Variants in ZNF496 observed in about 807,000 individuals in gnomAD.
The protein encoded by ZNF496 is zinc finger protein 496.
In ZNF496, 11 loss-of-function variants were observed where a neutral mutation model predicts 58.9. The ratio of observed to expected loss-of-function variants is 0.19; its 90% CI spans 0.12 to 0.31. ZNF496 has a LOEUF of 0.31. ZNF496 is among the 10% of genes least tolerant of loss of function. The pLI is 1.00. For missense variants in ZNF496, 660 were observed against 783.0 expected (o/e 0.84, Z 1.88); for synonymous variants, 338 against 318.2 (o/e 1.06, Z -0.66).
At chr1:247,326,803 TAAG>T (rs1345818015) in intron 5 of ZNF496, among the ~76,000 whole-genome samples, 1 of 152,144 alleles carries the variant, frequency 6.6e-6, no homozygotes, top group Admixed American at 6.5e-5. Flanking sequence ...GGTGTACTTA[TAAG>T]AAGAGGAGAT....
At chr1:247,314,426 C>CTTCATTTTAAGATTTTCATTTTAAAAT (rs1659706644) in intron 6 of ZNF496, among the ~76,000 whole-genome samples, 5 of 140,638 alleles carry the variant, frequency 3.6e-5, no homozygotes, top group African/African-American at 1.6e-4. Context: ...TAGATCAATG[C>CTTCATTTTAAGATTTTCATTTTAAAAT]TTCATTTTAA....
At chr1:247,322,300 T>TA (rs1558156493) in intron 6 of ZNF496, among the ~76,000 whole-genome samples, 1 of 152,016 alleles carries the variant, frequency 6.6e-6, no homozygotes, top group Non-Finnish European at 1.5e-5. Context: ...AAAAATAAAA[T>TA]AAAGTCATGT....
At chr1:247,327,390 C>A (rs940189022) in intron 5 of ZNF496, among the ~76,000 whole-genome samples, 4 of 152,192 alleles carry the variant, frequency 2.6e-5, no homozygotes, top group African/African-American at 9.6e-5. Context: ...TGTCTATCTG[C>A]AAACTTCTCT....
intron 6 of ZNF496, 83 bp from the exon 7 acceptor site, chr1:247,310,539 C>T: frequency 6.4e-7 from 1 of 1,556,410 alleles, no homozygotes; most frequent in African/African-American, 1.4e-5. Flanking sequence ...TGTGACAACA[C>T]AACGCTGTAG....
Position 247,329,047 on chromosome 1 carries a change from C to T in ZNF496, c.390+142G>A, listed in dbSNP as rs1328103542. On this transcript the variant is annotated intron_variant, in intron 4 of 9. Coordinates refer to ENST00000682384, the MANE Select transcript of ZNF496 (RefSeq NM_032752.3). The surrounding 1 kb of genome is among the most constrained non-coding windows in gnomAD (Gnocchi z 5.5). ...GCCTTCAGGGAGTAAAACTGGCTTT[C>T]TTAGGAAACTCTAGTCTGGACCTAA... is the stretch of plus-strand genomic sequence containing the variant. 1 of 1,456,950 alleles carries T rather than the reference C, an allele frequency of 6.9e-7. No homozygotes were observed. The highest frequency in any genetic ancestry group is 9.3e-7 in the Non-Finnish European group (1 of 1,072,384). 90.3% of individuals were successfully genotyped at this position (1,456,950 alleles called of 1,614,324 possible).
Position 247,308,422 on chromosome 1 carries a change from G to A in ZNF496, c.1006+53C>T, listed in dbSNP as rs927670993. 43 of 1,518,772 alleles carry A rather than the reference G, an allele frequency of 2.8e-5. No homozygotes were observed. The highest frequency in any genetic ancestry group is 1.5e-4 in the South Asian group (13 of 88,670). The allele number at this position is 1,518,772 out of a possible 1,614,324, so 94.1% of individuals were successfully genotyped here. A position where few individuals can be genotyped will look rare whatever the true frequency, so the allele number is the denominator to read the frequency against. On this transcript the variant is annotated intron_variant, in intron 9 of 9. Coordinates refer to ENST00000682384, the MANE Select transcript of ZNF496 (RefSeq NM_032752.3). This position sits in a 1 kb window ranked among gnomAD's most constrained non-coding sequence, Gnocchi z 4.5. The stretch of plus-strand genomic sequence containing the variant: ...CACACATGCATACATACATTCATGC[G>A]ACACACCACAGACACACAGGGACAA...
Position 247,300,732 on chromosome 1 carries a change from C to T in ZNF496, c.1551G>A (p.Lys517=). 2 of 1,612,200 alleles carry T rather than the reference C, an allele frequency of 1.2e-6. No homozygotes were observed. The highest frequency in any genetic ancestry group is 1.1e-5 in the South Asian group (1 of 91,040). Residue 517 remains lysine (K), a synonymous_variant, in exon 10 of 10, where the codon AAG becomes AAA. Transcript: ENST00000682384. This position sits in a 1 kb window ranked among gnomAD's most constrained non-coding sequence, Gnocchi z 5.7. The part of the protein sequence containing the change: ...KGPKEPLENG[K]AKLSFQCCEC... ...CACAGCACTGGAAGCTCAGTTTGGC[C>T]TTGCCGTTTTCCAGCGGCTCTTTGG...
At position 247,308,881 on chromosome 1, in the gene ZNF496, A is replaced by C; in HGVS notation, c.893-293T>G. On this transcript the variant is annotated intron_variant, in intron 8 of 9. Transcript: ENST00000682384. The surrounding 1 kb of genome is among the most constrained non-coding windows in gnomAD (Gnocchi z 4.5). ...AAGCACTTCCCCCAGCCCCATATTT[A>C]TTCCCACTTTCTGTGGTGGGTTTTC... The C allele has an allele frequency of 2.6e-6, 1 of 383,058 alleles. No homozygotes were observed. The highest frequency in any genetic ancestry group is 5.0e-6 in the Non-Finnish European group (1 of 201,838). The allele number at this position is 383,058 out of a possible 1,614,324, so 23.7% of individuals were successfully genotyped here.
At position 247,309,552 on chromosome 1, in the gene ZNF496, G is replaced by A. The variant is rs1161515693; in HGVS notation, c.892+147C>T. On this transcript the variant is annotated intron_variant, in intron 8 of 9. Transcript: ENST00000682384. The surrounding 1 kb of genome is among the most constrained non-coding windows in gnomAD (Gnocchi z 4.3). ...TCTTTCTATGAAAAGTCAGGGACAA[G>A]GCAAGACATGCAAGACCCACATAGA... The A allele has an allele frequency of 2.1e-6, 3 of 1,434,146 alleles. No individual in the cohort carries two copies. The highest frequency in any genetic ancestry group is 2.7e-6 in the Non-Finnish European group (3 of 1,096,154). 88.8% of individuals were successfully genotyped at this position (1,434,146 alleles called of 1,614,324 possible).
Position 247,309,478 on chromosome 1 carries a change from T to C in ZNF496, c.892+221A>G. 3 of 1,385,560 alleles carry C rather than the reference T, an allele frequency of 2.2e-6. No homozygotes were observed. Among genetic ancestry groups the C allele is most frequent in the Middle Eastern group, 2.7e-4 (1 of 3,698 alleles). 85.8% of individuals were successfully genotyped at this position (1,385,560 alleles called of 1,614,324 possible). ...GACATTCCTATTATTTCCCAGTCCT[T>C]GGCCAAGGGAGTACAATTCCAATGC... On this transcript the variant is annotated intron_variant, in intron 8 of 9. Coordinates refer to ENST00000682384, the MANE Select transcript of ZNF496 (RefSeq NM_032752.3). This position sits in a 1 kb window ranked among gnomAD's most constrained non-coding sequence, Gnocchi z 4.3.
At chr1:247,318,187 A>C (rs567262278) in intron 6 of ZNF496, among the ~76,000 whole-genome samples, 1 of 152,374 alleles carries the variant, frequency 6.6e-6, no homozygotes, top group South Asian at 2.1e-4. Flanking sequence ...TCTGAACAAC[A>C]GAGAGAATAC....
intron 5 of ZNF496, 114 bp from the exon 6 acceptor site, chr1:247,323,344 A>G: frequency 1.4e-6 from 1 of 694,574 alleles, no homozygotes; most frequent in Non-Finnish European, 2.5e-6. Context: ...AGAAAATCAC[A>G]AGAGAGGCAC....
intron 9 of ZNF496, chr1:247,307,702 C>A: frequency 2.0e-6 from 2 of 985,432 alleles, no homozygotes; most frequent in Non-Finnish European, 2.4e-6. Flanking sequence ...TGGCATAAAT[C>A]TTGCCTTCAA....
At chr1:247,307,819 T>C (rs12023326) in intron 9 of ZNF496, 219,883 of 985,220 alleles carry the variant, frequency 0.22, 25,888 homozygotes, top group East Asian at 0.4. Flanking sequence ...GGGTTTTGTA[T>C]TGAGAAGAGA....
In ZNF496 at chr1:247,308,358, T is replaced by G. The variant is rs965309954; in HGVS notation, c.1006+117A>C. On this transcript the variant is annotated intron_variant, in intron 9 of 9. Coordinates refer to ENST00000682384, the MANE Select transcript of ZNF496 (RefSeq NM_032752.3). The surrounding 1 kb of genome is among the most constrained non-coding windows in gnomAD (Gnocchi z 4.5). ...GCACACCACATATACCACATGTGTA[T>G]GCACGCACACATGCATTCAACACAA... 2.2e-6 allele frequency: 2 copies of G among 907,268 alleles called. No homozygotes were observed. Among genetic ancestry groups the G allele is most frequent in the Admixed American group, 3.7e-5 (2 of 53,568 alleles). 56.2% of individuals were successfully genotyped at this position (907,268 alleles called of 1,614,324 possible).
intron 9 of ZNF496, chr1:247,307,860 GA>G (rs1357876954): frequency 3.0e-6 from 3 of 985,290 alleles, no homozygotes; most frequent in African/African-American, 3.5e-5. Context: ...TCTGCTTCTG[GA>G]AGTGGTGACT....
At chr1:247,301,490 G>A (rs955582224) in intron 9 of ZNF496, among the ~76,000 whole-genome samples, 2 of 152,162 alleles carry the variant, frequency 1.3e-5, no homozygotes, top group African/African-American at 4.8e-5. Flanking sequence ...TCCAGAGCAT[G>A]CTGGGCACCT....
rs1324209169 is a variant in ZNF496, at chr1:247,329,442, C to T, written c.137G>A (p.Arg46His). 9 of 1,612,684 alleles carry T rather than the reference C, an allele frequency of 5.6e-6. No homozygotes were observed. Among genetic ancestry groups the T allele is most frequent in the African/African-American group, 2.7e-5 (2 of 74,858 alleles). ...PSPESSRRLF[R>H]RFRYQEAAGP... ...CGCCGCCTCCTGGTAGCGGAAACGG[C>T]GGAAGAGACGCCGAGAGGACTCGGG... Residue 46 changes from arginine (R) to histidine (H), a missense_variant, in exon 4 of 10, where the codon CGC (arginine) becomes CAC (histidine). Arg to His is a conservative substitution (Grantham distance 29). Transcript: ENST00000682384. The surrounding 1 kb of genome is among the most constrained non-coding windows in gnomAD (Gnocchi z 5.5).
chr1:247,322,012 T>G (rs1659979107), intron 6 of ZNF496, among the ~76,000 whole-genome samples: 1 of 152,212 alleles, frequency 6.6e-6, no homozygotes, highest in South Asian at 2.1e-4. Flanking sequence ...CTGGGCACAG[T>G]GGCTCATGCC....
Sources: allele counts gnomAD v4.1 joint callset (sites outside exome capture counted in the v4.1 genomes callset), GRCh38; gene constraint gnomAD v4.1.1; non-coding constraint Gnocchi (gnomAD v3.1); transcripts MANE v1.5; gene names NCBI Gene and HGNC (gene_info 2026-07-23, HGNC 2026-07-21).